Variants in MAN1C1 observed in about 807,000 individuals in gnomAD.
MAN1C1 encodes mannosyl-oligosaccharide 1,2-alpha-mannosidase IC.
A neutral mutation model predicts 71.5 loss-of-function variants in MAN1C1; 49 were observed. The observed-to-expected ratio is 0.69, with a 90% CI of 0.54 to 0.87. The LOEUF is 0.87. Ranked by LOEUF, MAN1C1 falls within the 40% of genes least tolerant of loss-of-function variation. MAN1C1 has a pLI of 0.00. For synonymous variants in MAN1C1, 352 were observed against 343.7 expected, an observed-to-expected ratio of 1.02 and a Z score of -0.27; for missense variants, 743 against 835.0, an observed-to-expected ratio of 0.89 and a Z score of 1.36.
chr1:25,660,331 A>G (rs548768834), intron 1 of MAN1C1, among the ~76,000 whole-genome samples: 2 of 150,812 alleles, frequency 1.3e-5, no homozygotes, highest in African/African-American at 4.9e-5. Flanking sequence ...AACTTGGGAG[A>G]CAGAGGTTGC....
chr1:25,682,764 A>G (rs1435650832), intron 1 of MAN1C1, among the ~76,000 whole-genome samples: 1 of 152,164 alleles, frequency 6.6e-6, no homozygotes, highest in African/African-American at 2.4e-5. Flanking sequence ...CTGGCTGGGC[A>G]CGGTGGCTCA....
intron 10 of MAN1C1, 36 bp downstream of exon 10, chr1:25,781,148 G>C: frequency 6.2e-7 from 1 of 1,604,882 alleles, no homozygotes; most frequent in Non-Finnish European, 8.5e-7. Flanking sequence ...CAAGGTGCTA[G>C]ATGCCCCTGA....
At chr1:25,650,399 A>G (rs1175965253) in intron 1 of MAN1C1, among the ~76,000 whole-genome samples, 1 of 152,178 alleles carries the variant, frequency 6.6e-6, no homozygotes, top group East Asian at 1.9e-4. Context: ...TTTTATTACC[A>G]AATACAGTGT....
At chr1:25,752,610 C>T (rs1457200865) in intron 4 of MAN1C1, among the ~76,000 whole-genome samples, 1 of 152,220 alleles carries the variant, frequency 6.6e-6, no homozygotes, top group Non-Finnish European at 1.5e-5. Flanking sequence ...TTACAACATT[C>T]TCGATTATTT....
intron 1 of MAN1C1, among the ~76,000 whole-genome samples, chr1:25,681,515 C>A (rs2046154550): frequency 6.6e-6 from 1 of 152,142 alleles, no homozygotes; most frequent in South Asian, 2.1e-4. Flanking sequence ...CACAGGACAC[C>A]ACCTTTATCA....
rs937317273 is a variant in MAN1C1, at chr1:25,779,003, A to G, written c.1477+679A>G. On this transcript the variant is annotated intron_variant, in intron 9 of 11. Coordinates refer to ENST00000374332, the MANE Select transcript of MAN1C1 (RefSeq NM_020379.4). The surrounding 1 kb of genome is among the most constrained non-coding windows in gnomAD (Gnocchi z 4.6). ...AAGTCACACTGCACATGAGGAATTG[A>G]TCCTGGGCTGGAACCCAGGCCTTCT... 1.3e-5 allele frequency among the ~76,000 whole-genome samples: 2 copies of G among 152,106 alleles called. No individual in the cohort carries two copies. The highest frequency in any genetic ancestry group is 4.8e-5 in the African/African-American group (2 of 41,404).
intron 2 of MAN1C1, among the ~76,000 whole-genome samples, chr1:25,737,432 C>T (rs2046997850): frequency 6.6e-6 from 1 of 152,214 alleles, no homozygotes; most frequent in East Asian, 1.9e-4. Flanking sequence ...TGGTAGCTGG[C>T]CACTACTGTG....
At chr1:25,762,358 A>G (rs2047372503) in intron 6 of MAN1C1, among the ~76,000 whole-genome samples, 1 of 151,556 alleles carries the variant, frequency 6.6e-6, no homozygotes, top group Admixed American at 6.6e-5. Flanking sequence ...CCTGGGCTCA[A>G]ACAATCTGCC....
rs2045121972 is a variant in MAN1C1, at chr1:25,617,636, G to A, written c.-162G>A. On this transcript the variant is annotated 5_prime_UTR_variant, in exon 1 of 12. Coordinates refer to ENST00000374332, the MANE Select transcript of MAN1C1 (RefSeq NM_020379.4). This position sits in a 1 kb window ranked among gnomAD's most constrained non-coding sequence, Gnocchi z 5.1. ...CGGGAGGACTCGCTCCAAACTCCCT[G>A]AACTTCGGGGACAGTCCCCCGAAGC... The A allele has an allele frequency of 1.7e-6, 1 of 581,772 alleles. No individual in the cohort carries two copies. Among genetic ancestry groups the A allele is most frequent in the African/African-American group, 2.0e-5 (1 of 49,988 alleles). 36.0% of individuals were successfully genotyped at this position (581,772 alleles called of 1,614,324 possible).
intron 2 of MAN1C1, among the ~76,000 whole-genome samples, chr1:25,722,023 T>C (rs2046772410): frequency 6.6e-6 from 1 of 152,240 alleles, no homozygotes; most frequent in African/African-American, 2.4e-5. Context: ...AACTCTATTC[T>C]ACTCTCACGC....
At chr1:25,744,101 A>G (rs1312174332) in intron 2 of MAN1C1, among the ~76,000 whole-genome samples, 1 of 152,128 alleles carries the variant, frequency 6.6e-6, no homozygotes, top group Non-Finnish European at 1.5e-5. Flanking sequence ...AGGCCCTTCA[A>G]ACGTCTGGTT....
chr1:25,714,383 C>G (rs2046652258), intron 2 of MAN1C1, among the ~76,000 whole-genome samples: 1 of 152,100 alleles, frequency 6.6e-6, no homozygotes, highest in African/African-American at 2.4e-5. Flanking sequence ...TAGGGAAAAG[C>G]TTTGTTTATA....
chr1:25,743,665 C>G (rs2047090248), intron 2 of MAN1C1, among the ~76,000 whole-genome samples: 1 of 152,226 alleles, frequency 6.6e-6, no homozygotes, highest in East Asian at 1.9e-4. Flanking sequence ...TCTCAGCTGG[C>G]CTCATAGAGC....
At chr1:25,757,340 A>G (rs531942251) in intron 5 of MAN1C1, among the ~76,000 whole-genome samples, 9 of 152,342 alleles carry the variant, frequency 5.9e-5, no homozygotes, top group African/African-American at 1.9e-4. Flanking sequence ...CCTGCTCCAC[A>G]CTAACTACAC....
intron 2 of MAN1C1, among the ~76,000 whole-genome samples, chr1:25,726,337 CCCTTAGCCAT>C (rs1183242453): frequency 6.6e-6 from 1 of 152,286 alleles, no homozygotes; most frequent in Middle Eastern, 3.4e-3. Context: ...TTTACCTTAA[CCCTTAGCCAT>C]CCTTACAAGG....
chr1:25,758,454 C>A (rs1307738743), intron 5 of MAN1C1, 138 bp from the exon 6 acceptor site: 4 of 701,846 alleles, frequency 5.7e-6, no homozygotes, highest in African/African-American at 3.5e-5. Flanking sequence ...GGAGGATTCA[C>A]TGAAATTGTA....
intron 2 of MAN1C1, among the ~76,000 whole-genome samples, chr1:25,689,456 G>C (rs750168762): frequency 6.6e-6 from 1 of 152,182 alleles, no homozygotes; most frequent in Non-Finnish European, 1.5e-5. Flanking sequence ...CTGACAAATA[G>C]AACCTGTTCG....
At chr1:25,643,592 A>ATTATTATTTT (rs1557745754) in intron 1 of MAN1C1, among the ~76,000 whole-genome samples, 1 of 141,672 alleles carries the variant, frequency 7.1e-6, no homozygotes, top group African/African-American at 2.6e-5. Context: ...TATATTTATT[A>ATTATTATTTT]TTATTATTAT....
chr1:25,747,209 G>A (rs1443616253), intron 3 of MAN1C1, among the ~76,000 whole-genome samples: 1 of 152,238 alleles, frequency 6.6e-6, no homozygotes, highest in African/African-American at 2.4e-5. Flanking sequence ...GCCCTGCACT[G>A]GCCTGTTGAG....
Sources: allele counts gnomAD v4.1 joint callset (sites outside exome capture counted in the v4.1 genomes callset), GRCh38; gene constraint gnomAD v4.1.1; non-coding constraint Gnocchi (gnomAD v3.1); transcripts MANE v1.5; gene names NCBI Gene and HGNC (gene_info 2026-07-23, HGNC 2026-07-21).